MRPL1: variants seen among roughly 807,000 people sequenced by gnomAD.
The protein encoded by MRPL1 is mitochondrial ribosomal protein L1, also known as large ribosomal subunit protein uL1m.
MRPL1 carries 28 observed loss-of-function variants against 38.0 expected under a neutral mutation model. That is an observed-to-expected ratio of 0.74 (90% CI 0.55 to 1.01). The LOEUF is 1.01. Ranked by LOEUF, MRPL1 falls within the 50% of genes least tolerant of loss-of-function variation. The pLI is 0.00. For missense variants in MRPL1, 358 were observed against 389.8 expected, an observed-to-expected ratio of 0.92 and a Z score of 0.69; for synonymous variants, 123 against 126.7, an observed-to-expected ratio of 0.97 and a Z score of 0.20.
At chr4:77,931,767 C>G (rs1296621272) in intron 7 of MRPL1, among the ~76,000 whole-genome samples, 3 of 152,196 alleles carry the variant, frequency 2.0e-5, no homozygotes, top group African/African-American at 4.8e-5. Context: ...AAAGAGGTCA[C>G]TTCTGAATGT....
intron 7 of MRPL1, among the ~76,000 whole-genome samples, chr4:77,933,431 C>A (rs1338366722): frequency 6.6e-6 from 1 of 152,084 alleles, no homozygotes; most frequent in African/African-American, 2.4e-5. Flanking sequence ...AAAAGGTGAG[C>A]CTCAGGGAAC....
intron 2 of MRPL1, among the ~76,000 whole-genome samples, chr4:77,878,208 A>G (rs888401372): frequency 2.0e-5 from 3 of 152,186 alleles, no homozygotes; most frequent in Non-Finnish European, 4.4e-5. Context: ...GGGTTCAAGA[A>G]AAGTTGTGAT....
At chr4:77,885,469 C>T (rs946985207) in intron 4 of MRPL1, 130 bp downstream of exon 4, 17 of 617,784 alleles carry the variant, frequency 2.8e-5, no homozygotes, top group Admixed American at 7.7e-5. Context: ...CAGGTTCAAG[C>T]GATTCTCCTG....
At chr4:77,934,023 G>A (rs991759540) in intron 7 of MRPL1, among the ~76,000 whole-genome samples, 3 of 152,100 alleles carry the variant, frequency 2.0e-5, no homozygotes, top group African/African-American at 4.8e-5. Flanking sequence ...AAAATCTCTG[G>A]TGCATCATAC....
chr4:77,888,869 A>G (rs1482608580), intron 5 of MRPL1, among the ~76,000 whole-genome samples: 1 of 151,866 alleles, frequency 6.6e-6, no homozygotes, highest in East Asian at 1.9e-4. Flanking sequence ...CCCGTCCCCT[A>G]CTCCAAGACA....
At chr4:77,872,027 T>A (rs1735291947) in intron 2 of MRPL1, among the ~76,000 whole-genome samples, 172 bp downstream of exon 2, 1 of 152,244 alleles carries the variant, frequency 6.6e-6, no homozygotes, top group South Asian at 2.1e-4. Context: ...ATACTTAACG[T>A]TTATTGAACA....
chr4:77,899,842 A>G (rs1346832612), intron 6 of MRPL1, among the ~76,000 whole-genome samples: 1 of 152,226 alleles, frequency 6.6e-6, no homozygotes, highest in Non-Finnish European at 1.5e-5. Flanking sequence ...GAAAGAGGAA[A>G]GCAGTTAAAT....
intron 7 of MRPL1, among the ~76,000 whole-genome samples, chr4:77,910,544 G>A (rs376848115): frequency 1.2e-4 from 18 of 152,254 alleles, no homozygotes; most frequent in African/African-American, 4.1e-4. Context: ...AGGCTGAGGC[G>A]ATCCCTGGGA....
rs1028867840 is a variant in MRPL1, at chr4:77,875,607, G to A, written c.143+3752G>A. On this transcript the variant is annotated intron_variant, in intron 2 of 8. Transcript: ENST00000315567. ...GTGGAGGTTGCAGTGAGCCAAGATC[G>A]CGCCACTGCCCTCCAGCCTGGGCAA... Among the ~76,000 whole-genome samples the A allele has an allele frequency of 4.6e-5, 7 of 151,486 alleles. No individual in the cohort carries two copies. The South Asian group carries it at 8.3e-4, about 18-fold the overall frequency.
chr4:77,903,155 T>A (rs1479590107), intron 6 of MRPL1, among the ~76,000 whole-genome samples: 2 of 152,158 alleles, frequency 1.3e-5, no homozygotes, highest in Non-Finnish European at 1.5e-5. Context: ...AAAATAAAGG[T>A]TAATACACCT....
At chr4:77,916,753 G>A (rs1243516406) in intron 7 of MRPL1, among the ~76,000 whole-genome samples, 3 of 152,040 alleles carry the variant, frequency 2.0e-5, no homozygotes, top group African/African-American at 7.2e-5. Flanking sequence ...TTTGTGTCCC[G>A]ATTTTTGCTA....
chr4:77,931,126 C>T (rs1736835239), intron 7 of MRPL1, among the ~76,000 whole-genome samples: 1 of 152,194 alleles, frequency 6.6e-6, no homozygotes, highest in Non-Finnish European at 1.5e-5. Context: ...ATGAAATCCT[C>T]AAAACTGCTT....
chr4:77,881,545 G>A (rs1735542347), intron 2 of MRPL1, among the ~76,000 whole-genome samples: 2 of 150,592 alleles, frequency 1.3e-5, no homozygotes, highest in South Asian at 2.1e-4. Flanking sequence ...GAGCTCAGGT[G>A]ATCCTTCCAA....
At chr4:77,895,620 TA>T (rs1185033251) in intron 6 of MRPL1, among the ~76,000 whole-genome samples, 1 of 152,092 alleles carries the variant, frequency 6.6e-6, no homozygotes, top group Non-Finnish European at 1.5e-5. Flanking sequence ...CTAGTTGAGC[TA>T]AAAAAATTCT....
At chr4:77,871,232 A>G (rs1467872780) in intron 1 of MRPL1, among the ~76,000 whole-genome samples, 1 of 152,068 alleles carries the variant, frequency 6.6e-6, no homozygotes, top group African/African-American at 2.4e-5. Flanking sequence ...AAAAGAAAAA[A>G]AAAAGATAAG....
In MRPL1 at chr4:77,886,789, CTTTTTTTTTT is replaced by C. The variant is rs71214375; in HGVS notation, c.487-419_487-410del. On this transcript the variant is annotated intron_variant, in intron 4 of 8. Transcript: ENST00000315567. Reference sequence around the variant, plus strand: ...GCTCACTGCACCTGGTTTGCATTTTCTTTTTTTTTTTTTTTTTTTTTGAGATGGAGTCTCA... The same window carrying C: ...GCTCACTGCACCTGGTTTGCATTTTCTTTTTTTTTTTGAGATGGAGTCTCA... Among the ~76,000 whole-genome samples the C allele has an allele frequency of 3.4e-4, 31 of 90,500 alleles. 1 individual carries two copies. In the South Asian group the frequency reaches 0.011, roughly 33 times the overall value. 59.4% of individuals were successfully genotyped at this position (90,500 alleles called of 152,430 possible).
intron 6 of MRPL1, among the ~76,000 whole-genome samples, chr4:77,900,475 G>T (rs920030020): frequency 3.3e-5 from 5 of 152,202 alleles, no homozygotes; most frequent in Non-Finnish European, 5.9e-5. Context: ...GAAGACTGCA[G>T]TTGAGAGGTT....
chr4:77,873,545 T>G (rs1735331601), intron 2 of MRPL1, among the ~76,000 whole-genome samples: 1 of 152,258 alleles, frequency 6.6e-6, no homozygotes. Flanking sequence ...TTTTGCTGAC[T>G]GTAAATTTTC....
intron 7 of MRPL1, among the ~76,000 whole-genome samples, chr4:77,942,169 G>A (rs557914004): frequency 6.6e-6 from 1 of 151,838 alleles, no homozygotes; most frequent in East Asian, 1.9e-4. Flanking sequence ...AATTTCTACG[G>A]TTTTGAGGGT....
Sources: allele counts gnomAD v4.1 joint callset (sites outside exome capture counted in the v4.1 genomes callset), GRCh38; gene constraint gnomAD v4.1.1; transcripts MANE v1.5; gene names NCBI Gene and HGNC (gene_info 2026-07-23, HGNC 2026-07-21).